Variants in BMPR2 observed in about 807,000 individuals in gnomAD.
The protein encoded by BMPR2 is bone morphogenetic protein receptor type 2.
Under a neutral mutation model 100.8 loss-of-function variants are expected in BMPR2, and 29 were observed. The ratio of observed to expected loss-of-function variants is 0.29; its 90% CI spans 0.21 to 0.39. The LOEUF is 0.39. Ranked by LOEUF, BMPR2 falls within the 10% of genes least tolerant of loss-of-function variation. BMPR2 has a pLI of 1.00. For synonymous variants in BMPR2, 382 were observed against 442.3 expected, an observed-to-expected ratio of 0.86 and a Z score of 1.71; for missense variants, 1,011 against 1,274.5, an observed-to-expected ratio of 0.79 and a Z score of 3.15.
chr2:202,418,888 T>C (rs1691196459), intron 1 of BMPR2, among the ~76,000 whole-genome samples: 1 of 152,234 alleles, frequency 6.6e-6, no homozygotes, highest in South Asian at 2.1e-4. Context: ...CTCTGCAGAA[T>C]GTGGATTTTC....
At chr2:202,516,856 A>G (rs1217214437) in intron 5 of BMPR2, among the ~76,000 whole-genome samples, 1 of 152,234 alleles carries the variant, frequency 6.6e-6, no homozygotes, top group African/African-American at 2.4e-5. Context: ...GACACTTTGT[A>G]TAATTTTGAT....
intron 1 of BMPR2, among the ~76,000 whole-genome samples, chr2:202,400,342 G>A (rs1162041832): frequency 1.4e-5 from 2 of 143,022 alleles, no homozygotes; most frequent in Non-Finnish European, 3.0e-5. Context: ...TAGAGACAAC[G>A]TCTCGCTATG....
At position 202,439,268 on chromosome 2, in the gene BMPR2, T is replaced by C. The variant is rs887752296; in HGVS notation, c.77-25541T>C. Among the ~76,000 whole-genome samples the C allele has an allele frequency of 3.3e-5, 5 of 149,978 alleles. 1 individual carries two copies. The highest frequency in any genetic ancestry group is 1.3e-4 in the African/African-American group (5 of 39,488). On this transcript the variant is annotated intron_variant, in intron 1 of 12. Coordinates refer to ENST00000374580, the MANE Select transcript of BMPR2 (RefSeq NM_001204.7). ...CTTAATTTCGCATTTGGATTGCTCA[T>C]TGCTAGTGTACAGAAATACAATTGA...
chr2:202,431,673 G>GT (rs1691504856), intron 1 of BMPR2, among the ~76,000 whole-genome samples: 1 of 150,038 alleles, frequency 6.7e-6, no homozygotes, highest in African/African-American at 2.5e-5. Flanking sequence ...ACAATATTCA[G>GT]TAGTATAGTA....
intron 1 of BMPR2, among the ~76,000 whole-genome samples, chr2:202,444,385 CAT>C (rs1298460742): frequency 2.7e-5 from 4 of 150,372 alleles, no homozygotes; most frequent in Non-Finnish European, 5.9e-5. Flanking sequence ...ATTTGGGGCA[CAT>C]GTGCTTGTGA....
chr2:202,378,276 G>T (rs1574416332), intron 1 of BMPR2, among the ~76,000 whole-genome samples: 1 of 152,050 alleles, frequency 6.6e-6, no homozygotes, highest in East Asian at 1.9e-4. Flanking sequence ...CTTTCCTTTG[G>T]ATATTTTCAT....
At position 202,391,024 on chromosome 2, in the gene BMPR2, C is replaced by T. The variant is rs576972198; in HGVS notation, c.76+13474C>T. Among the ~76,000 whole-genome samples the T allele has an allele frequency of 1.5e-4, 15 of 101,020 alleles. No individual in the cohort carries two copies. In the East Asian group the frequency reaches 2.3e-3, roughly 15 times the overall value. The allele number at this position is 101,020 out of a possible 152,430, so 66.3% of individuals were successfully genotyped here. ...TTTTTTTTTGGGAGATGGAGTTTCA[C>T]TCTTGTTGCCCAGGCTGGGGTGCAA... On this transcript the variant is annotated intron_variant, in intron 1 of 12. Coordinates refer to ENST00000374580, the MANE Select transcript of BMPR2 (RefSeq NM_001204.7).
intron 3 of BMPR2, among the ~76,000 whole-genome samples, chr2:202,474,396 G>A (rs1468805774): frequency 6.6e-6 from 1 of 151,876 alleles, no homozygotes; most frequent in Non-Finnish European, 1.5e-5. Flanking sequence ...GTGAAGCGGA[G>A]GTTGCAGTAA....
chr2:202,543,046 G>A (rs35622580), intron 10 of BMPR2, among the ~76,000 whole-genome samples: 16,452 of 151,124 alleles, frequency 0.11, 1,050 homozygotes, highest in Non-Finnish European at 0.13. Context: ...GCGTGGTGGC[G>A]TGTGTCTGTA....
intron 1 of BMPR2, among the ~76,000 whole-genome samples, chr2:202,424,896 A>G (rs1006112249): frequency 6.6e-6 from 1 of 152,212 alleles, no homozygotes; most frequent in African/African-American, 2.4e-5. Context: ...ATATGTTAAA[A>G]TAACTTTTAA....
In BMPR2 at chr2:202,558,248, G is replaced by A. The variant is rs189518946; in HGVS notation, c.2867-1448G>A. ...CTGCCTCAGCCTCCCGAGTAGCTGG[G>A]ATTACAGACATGTGCCACCATGCCC... On this transcript the variant is annotated intron_variant, in intron 12 of 12. Transcript: ENST00000374580. Among the ~76,000 whole-genome samples, 86 of 152,076 alleles carry A rather than the reference G, an allele frequency of 5.7e-4. 1 individual carries two copies. The highest frequency in any genetic ancestry group is 6.8e-3 in the Middle Eastern group (2 of 294).
Position 202,435,438 on chromosome 2 carries a change from G to A in BMPR2, c.77-29371G>A, listed in dbSNP as rs987351993. Among the ~76,000 whole-genome samples the A allele has an allele frequency of 1.6e-4, 23 of 141,456 alleles. 2 individuals carry two copies. Among genetic ancestry groups the A allele is most frequent in the African/African-American group, 6.4e-4 (23 of 35,996 alleles). 92.8% of individuals were successfully genotyped at this position (141,456 alleles called of 152,430 possible). A position where few individuals can be genotyped will look rare whatever the true frequency, so the allele number is the denominator to read the frequency against. On this transcript the variant is annotated intron_variant, in intron 1 of 12. Coordinates refer to ENST00000374580, the MANE Select transcript of BMPR2 (RefSeq NM_001204.7). ...TTGTACAGTTATACAGTATGTTCGTGTTTTAAGCTAAGTGTTTTATTATAA... is the reference window on the plus strand; with the variant it reads ...TTGTACAGTTATACAGTATGTTCGTATTTTAAGCTAAGTGTTTTATTATAA...
In BMPR2 at chr2:202,382,229, T is replaced by G. The variant is rs533813336; in HGVS notation, c.76+4679T>G. On this transcript the variant is annotated intron_variant, in intron 1 of 12. Transcript: ENST00000374580. ...TGTGCACCATCATGCCTGGTTAATT[T>G]TTGTATTTTTAGTAGAGATGGGGTT... 1.2e-3 allele frequency among the ~76,000 whole-genome samples: 179 copies of G among 152,092 alleles called. 1 individual carries two copies. The highest frequency in any genetic ancestry group is 4.1e-3 in the African/African-American group (169 of 41,480).
chr2:202,518,587 T>G (rs1021555952), intron 5 of BMPR2, among the ~76,000 whole-genome samples: 1 of 152,170 alleles, frequency 6.6e-6, no homozygotes, highest in African/African-American at 2.4e-5. Context: ...TGCCTTTAGA[T>G]CTTTCTTTTT....
chr2:202,539,307 T>C (rs1033177557), intron 9 of BMPR2, among the ~76,000 whole-genome samples: 2 of 152,232 alleles, frequency 1.3e-5, no homozygotes, highest in Non-Finnish European at 2.9e-5. Context: ...GAGGAGGTCA[T>C]TGGTATTTTT....
At chr2:202,480,855 T>C (rs1394008840) in intron 3 of BMPR2, among the ~76,000 whole-genome samples, 1 of 146,228 alleles carries the variant, frequency 6.8e-6, no homozygotes, top group African/African-American at 2.6e-5. Context: ...CTCAGGAGGC[T>C]GAGGCAGGAG....
intron 9 of BMPR2, among the ~76,000 whole-genome samples, chr2:202,535,453 C>T (rs1218607664): frequency 2.7e-5 from 4 of 150,466 alleles, no homozygotes; most frequent in African/African-American, 9.8e-5. Flanking sequence ...GACGGGGCGG[C>T]GGGGCAGAGG....
intron 1 of BMPR2, among the ~76,000 whole-genome samples, chr2:202,401,616 C>T (rs1398489269): frequency 6.6e-6 from 1 of 152,096 alleles, no homozygotes; most frequent in Non-Finnish European, 1.5e-5. Flanking sequence ...GATGGTTAAT[C>T]TTCATTATAT....
intron 1 of BMPR2, among the ~76,000 whole-genome samples, chr2:202,420,148 C>T (rs1236607748): frequency 1.3e-5 from 2 of 151,776 alleles, no homozygotes; most frequent in African/African-American, 4.8e-5. Context: ...CCTTATGTTG[C>T]TTATTGCTTA....
Sources: gnomAD v4.1 joint callset for allele counts (sites outside exome capture counted in the v4.1 genomes callset) on GRCh38, gnomAD v4.1.1 for gene constraint, MANE v1.5 for transcripts, NCBI Gene and HGNC (gene_info 2026-07-23, HGNC 2026-07-21) for gene names.